The following CES5A variants were observed in gnomAD, a reference collection of about 807,000 sequenced individuals.
CES5A encodes carboxylesterase 5.
CES5A carries 67 observed loss-of-function variants against 62.9 expected under a neutral mutation model. The ratio of observed to expected loss-of-function variants is 1.07; its 90% CI spans 0.88 to 1.31. The LOEUF (loss-of-function observed/expected upper bound fraction) is 1.31. CES5A is among the 50% of genes most tolerant of loss of function. The pLI is 0.00. For synonymous variants in CES5A, 296 were observed against 280.8 expected, an observed-to-expected ratio of 1.05 and a Z score of -0.54; for missense variants, 748 against 708.5, an observed-to-expected ratio of 1.06 and a Z score of -0.63.
At chr16:55,912,408 G>A (rs561172957) in intron 1 of CES5A, among the ~76,000 whole-genome samples, 4 of 152,288 alleles carry the variant, frequency 2.6e-5, no homozygotes, top group Admixed American at 2.6e-4. Flanking sequence ...TGTCTGCTAG[G>A]GTGGAAGGGA....
chr16:55,946,222 G>A (rs145753914), intron 2 of CES5A, among the ~76,000 whole-genome samples: 1 of 152,258 alleles, frequency 6.6e-6, no homozygotes, highest in East Asian at 1.9e-4. Flanking sequence ...ATGTCCATTT[G>A]GAAGGTGTAA....
intron 1 of CES5A, among the ~76,000 whole-genome samples, chr16:55,955,685 C>T (rs925750761): frequency 6.6e-6 from 1 of 152,224 alleles, no homozygotes; most frequent in Non-Finnish European, 1.5e-5. Flanking sequence ...GCCCTGGGTT[C>T]TCCTGGCAGT....
intron 1 of CES5A, among the ~76,000 whole-genome samples, chr16:55,890,475 G>A (rs2033865066): frequency 6.6e-6 from 1 of 151,626 alleles, no homozygotes; most frequent in Non-Finnish European, 1.5e-5. Flanking sequence ...AATCTTGCAG[G>A]AACTCTTCCA....
At chr16:55,904,620 A>G (rs2034021313) in intron 1 of CES5A, among the ~76,000 whole-genome samples, 1 of 152,246 alleles carries the variant, frequency 6.6e-6, no homozygotes, top group Non-Finnish European at 1.5e-5. Flanking sequence ...TAATCTTCAC[A>G]AAACCTATTT....
At chr16:55,867,745 G>T (rs549227109) in intron 4 of CES5A, among the ~76,000 whole-genome samples, 1 of 152,290 alleles carries the variant, frequency 6.6e-6, no homozygotes, top group East Asian at 1.9e-4. Context: ...GTGACCTTGG[G>T]CAAATCACTT....
exon 2 of CES5A, chr16:55,949,869 A>G: frequency 6.6e-7 from 1 of 1,524,776 alleles, no homozygotes; most frequent in East Asian, 2.5e-5. Flanking sequence ...TAAACCAGGC[A>G]CAATCTCCAC....
intron 1 of CES5A, chr16:55,955,782 T>G: frequency 6.6e-7 from 1 of 1,512,576 alleles, no homozygotes; most frequent in African/African-American, 1.4e-5. Context: ...AGGCTCATCT[T>G]TCTCATTCCA....
intron 1 of CES5A, among the ~76,000 whole-genome samples, chr16:55,874,397 G>A (rs1036825615): frequency 6.6e-6 from 1 of 152,040 alleles, no homozygotes; most frequent in African/African-American, 2.4e-5. Flanking sequence ...ATCTTCCCAG[G>A]GGTTCCTACA....
In CES5A at chr16:55,909,699, C is replaced by T. The variant is rs117039396; in HGVS notation, c.-256+15624G>A. Among the ~76,000 whole-genome samples, 80 of 152,280 alleles carry T rather than the reference C, an allele frequency of 5.3e-4. 3 individuals carry two copies. In the East Asian group the frequency reaches 0.012, roughly 23 times the overall value. On this transcript the variant is annotated intron_variant, in intron 1 of 12. Coordinates refer to the CES5A transcript ENST00000518005. ...CTAAAGTGAATGGCCCACAGGTGAACGGCAGAAGATCTGAGGTCTGTGGCC... is the reference window on the plus strand; with the variant it reads ...CTAAAGTGAATGGCCCACAGGTGAATGGCAGAAGATCTGAGGTCTGTGGCC...
At chr16:55,906,043 G>A (rs1310864131) in intron 1 of CES5A, among the ~76,000 whole-genome samples, 1 of 152,142 alleles carries the variant, frequency 6.6e-6, no homozygotes, top group African/African-American at 2.4e-5. Context: ...TCCACAGAGA[G>A]AGAAAGTGAC....
chr16:55,880,924 G>A (rs1159899337), intron 1 of CES5A, among the ~76,000 whole-genome samples: 6 of 152,142 alleles, frequency 3.9e-5, no homozygotes, highest in African/African-American at 1.4e-4. Flanking sequence ...ATTAGACCCA[G>A]AGTCTAAGGT....
intron 1 of CES5A, among the ~76,000 whole-genome samples, chr16:55,874,351 T>C (rs2033656908): frequency 6.6e-6 from 1 of 152,190 alleles, no homozygotes; most frequent in East Asian, 1.9e-4. Flanking sequence ...GATTGACATA[T>C]ACCGAACTCT....
chr16:55,938,144 C>T (rs1299383307), intron 2 of CES5A, among the ~76,000 whole-genome samples: 1 of 152,058 alleles, frequency 6.6e-6, no homozygotes, highest in East Asian at 1.9e-4. Context: ...AGGGATGAAC[C>T]ATCTTTTCCC....
chr16:55,932,702 TGCAA>T (rs2034327708), intron 2 of CES5A, among the ~76,000 whole-genome samples: 1 of 152,020 alleles, frequency 6.6e-6, no homozygotes, highest in Admixed American at 6.6e-5. Flanking sequence ...GCAAAGACCC[TGCAA>T]AAAGAAAGAG....
At chr16:55,861,800 T>C (rs2033356931) in intron 6 of CES5A, among the ~76,000 whole-genome samples, 1 of 152,152 alleles carries the variant, frequency 6.6e-6, no homozygotes, top group Non-Finnish European at 1.5e-5. Context: ...GGAATCAAGA[T>C]TCCTGGTCAC....
At position 55,846,575 on chromosome 16, in the gene CES5A, C is replaced by A. The variant is rs2033014392; in HGVS notation, c.1604G>T (p.Arg535Leu). The change falls in exon 13 of 13, where the codon CGG becomes CTG. Residue 535 changes from arginine (R) to leucine (L), a missense_variant. Transcript: ENST00000290567. Reference sequence around the variant, plus strand: ...GATGGTGCTGGTCCAAAAATCCACCCGCGGTTCTTTGAGTCTCTGTCCGAG... The same window carrying A: ...GATGGTGCTGGTCCAAAAATCCACCAGCGGTTCTTTGAGTCTCTGTCCGAG... ...MSLGQRLKEP[R>L]VDFWTSTIPL... 1 of 1,613,996 alleles carries A rather than the reference C, an allele frequency of 6.2e-7. No homozygotes were observed.
chr16:55,952,127 A>G (rs2034563933), intron 1 of CES5A, among the ~76,000 whole-genome samples: 1 of 152,186 alleles, frequency 6.6e-6, no homozygotes, highest in Admixed American at 6.5e-5. Context: ...TTAGAAATTA[A>G]TAACAAAAAA....
At chr16:55,928,924 T>C (rs1186877141), upstream of CES5A, among the ~76,000 whole-genome samples, 1 of 152,136 alleles carries the variant, frequency 6.6e-6, no homozygotes, top group Admixed American at 6.5e-5. Flanking sequence ...CCTCACATCA[T>C]GGGAAGGTCT....
intron 11 of CES5A, among the ~76,000 whole-genome samples, 172 bp from the exon 12 acceptor site, chr16:55,847,012 G>A (rs1280061346): frequency 6.6e-6 from 1 of 152,066 alleles, no homozygotes; most frequent in Non-Finnish European, 1.5e-5. Flanking sequence ...GAGCAACCGG[G>A]ACCTGTCCAA....
Sources: allele counts gnomAD v4.1 joint callset (sites outside exome capture counted in the v4.1 genomes callset), GRCh38; gene constraint gnomAD v4.1.1; transcripts MANE v1.5; gene names NCBI Gene and HGNC (gene_info 2026-07-23, HGNC 2026-07-21).